Variants in FXYD6 observed in about 807,000 individuals in gnomAD.
The protein encoded by FXYD6 is FXYD domain-containing ion transport regulator 6.
A neutral mutation model predicts 16.7 loss-of-function variants in FXYD6; 7 were observed. The observed-to-expected ratio is 0.42, with a 90% confidence interval of 0.24 to 0.79. The LOEUF is 0.79. Among genes scored for constraint, FXYD6 ranks in the 30% least tolerant of loss-of-function variants. The pLI, the probability that FXYD6 is intolerant of heterozygous loss-of-function variation, is 0.28. For missense variants in FXYD6, 111 were observed against 116.2 expected, an observed-to-expected ratio of 0.95 and a Z score of 0.21; for synonymous variants, 49 against 43.0, an observed-to-expected ratio of 1.14 and a Z score of -0.54.
intron 1 of FXYD6, among the ~76,000 whole-genome samples, chr11:117,871,349 G>GT (rs531884999): frequency 6.6e-6 from 1 of 151,952 alleles, no homozygotes; most frequent in Non-Finnish European, 1.5e-5. Flanking sequence ...TTCCCCATGC[G>GT]TGTCACAGCA....
intron 1 of FXYD6, among the ~76,000 whole-genome samples, chr11:117,861,743 C>A (rs1332058798): frequency 6.6e-6 from 1 of 152,220 alleles, no homozygotes; most frequent in East Asian, 1.9e-4. Context: ...CCTTCCCTTC[C>A]TTTTAACATT....
intron 4 of FXYD6, 116 bp from the exon 5 acceptor site, chr11:117,841,300 C>A: frequency 1.5e-6 from 2 of 1,346,710 alleles, no homozygotes; most frequent in Non-Finnish European, 2.1e-6. Context: ...GGGCAGTGCA[C>A]AGTTTGCACA....
At chr11:117,847,194 C>T (rs915945677) in intron 1 of FXYD6, among the ~76,000 whole-genome samples, 3 of 152,188 alleles carry the variant, frequency 2.0e-5, no homozygotes, top group African/African-American at 4.8e-5. Flanking sequence ...CTGATCTTTA[C>T]ATATTGATCT....
chr11:117,849,897 A>G (rs1403356655), intron 1 of FXYD6, among the ~76,000 whole-genome samples: 3 of 152,130 alleles, frequency 2.0e-5, no homozygotes, highest in Non-Finnish European at 2.9e-5. Context: ...GTCCAGTTCA[A>G]ACAGGATGAG....
At chr11:117,855,184 GC>G (rs1172767104) in intron 1 of FXYD6, among the ~76,000 whole-genome samples, 4 of 152,186 alleles carry the variant, frequency 2.6e-5, no homozygotes, top group Non-Finnish European at 4.4e-5. Flanking sequence ...GTTAAGACCT[GC>G]CTTTGTATTC....
chr11:117,856,210 A>T (rs990098323), intron 1 of FXYD6, among the ~76,000 whole-genome samples: 2 of 152,210 alleles, frequency 1.3e-5, no homozygotes, highest in African/African-American at 4.8e-5. Flanking sequence ...AAAACTGCTC[A>T]GAAAGAGAAG....
chr11:117,869,932 T>C (rs1242178996), intron 1 of FXYD6, among the ~76,000 whole-genome samples: 1 of 152,150 alleles, frequency 6.6e-6, no homozygotes, highest in East Asian at 1.9e-4. Flanking sequence ...TCACATCCCC[T>C]CATCCTTGGC....
chr11:117,866,315 T>G (rs1402361709), intron 1 of FXYD6, among the ~76,000 whole-genome samples: 1 of 151,682 alleles, frequency 6.6e-6, no homozygotes, highest in Non-Finnish European at 1.5e-5. Flanking sequence ...TATTTTACCA[T>G]ACTAAAAAAA....
At chr11:117,855,420 G>C (rs1366630367) in intron 1 of FXYD6, among the ~76,000 whole-genome samples, 1 of 152,146 alleles carries the variant, frequency 6.6e-6, no homozygotes, top group African/African-American at 2.4e-5. Flanking sequence ...GAGTCGAGTG[G>C]CCAAGTACAT....
At chr11:117,839,736 G>T (rs753323814) in intron 7 of FXYD6, 45 bp downstream of exon 7, 1 of 1,612,044 alleles carries the variant, frequency 6.2e-7, no homozygotes, top group South Asian at 1.1e-5. Flanking sequence ...CCCTGATGCA[G>T]ACGGTGATGG....
chr11:117,867,316 CAA>C (rs1291656441), intron 1 of FXYD6, among the ~76,000 whole-genome samples: 2 of 152,232 alleles, frequency 1.3e-5, no homozygotes, highest in African/African-American at 4.8e-5. Flanking sequence ...ACGGCCTCAC[CAA>C]GTTTCCGGGG....
At chr11:117,866,923 C>T (rs972543869) in intron 1 of FXYD6, among the ~76,000 whole-genome samples, 1 of 151,836 alleles carries the variant, frequency 6.6e-6, no homozygotes, top group Non-Finnish European at 1.5e-5. Context: ...GGTGTAGAAT[C>T]GAAATAAAGG....
intron 1 of FXYD6, among the ~76,000 whole-genome samples, chr11:117,859,823 G>T (rs1345103213): frequency 1.3e-5 from 2 of 152,156 alleles, no homozygotes; most frequent in African/African-American, 4.8e-5. Flanking sequence ...GTCTGTCTGT[G>T]ATAATTTTTA....
At chr11:117,859,610 T>A (rs1044509753) in intron 1 of FXYD6, among the ~76,000 whole-genome samples, 5 of 152,180 alleles carry the variant, frequency 3.3e-5, no homozygotes, top group Non-Finnish European at 5.9e-5. Context: ...CTAACACTGA[T>A]AATGTGCACC....
At chr11:117,863,863 A>C (rs922345081) in intron 1 of FXYD6, among the ~76,000 whole-genome samples, 1 of 152,210 alleles carries the variant, frequency 6.6e-6, no homozygotes, top group Non-Finnish European at 1.5e-5. Flanking sequence ...CCATATCATA[A>C]TATCAAAAAG....
intron 1 of FXYD6, among the ~76,000 whole-genome samples, chr11:117,857,710 G>A (rs918556167): frequency 3.3e-5 from 5 of 152,136 alleles, no homozygotes; most frequent in Non-Finnish European, 5.9e-5. Flanking sequence ...CCCGGCCCAG[G>A]TGGAATATTT....
chr11:117,875,972 C>A (rs77352874), intron 1 of FXYD6, among the ~76,000 whole-genome samples: 1 of 152,076 alleles, frequency 6.6e-6, no homozygotes, highest in Admixed American at 6.5e-5. Flanking sequence ...GACCCCAGGG[C>A]CCCCCGGAAA....
intron 1 of FXYD6, among the ~76,000 whole-genome samples, chr11:117,873,594 T>C (rs1270724864): frequency 6.6e-6 from 1 of 152,224 alleles, no homozygotes; most frequent in African/African-American, 2.4e-5. Flanking sequence ...TGTGCCTTTC[T>C]TGACTGGTTT....
At chr11:117,839,525 C>A (rs1352657426) in intron 7 of FXYD6, 3 of 480,540 alleles carry the variant, frequency 6.2e-6, no homozygotes, top group African/African-American at 5.7e-5. Context: ...ACGCCCTATG[C>A]ACTCGGCCAG....
Sources: allele counts gnomAD v4.1 joint callset (sites outside exome capture counted in the v4.1 genomes callset), GRCh38; gene constraint gnomAD v4.1.1; transcripts MANE v1.5; gene names NCBI Gene and HGNC (gene_info 2026-07-23, HGNC 2026-07-21).